ZBTB7A: variants seen among roughly 807,000 people sequenced by gnomAD.
ZBTB7A encodes zinc finger and BTB domain-containing protein 7A.
In ZBTB7A, 7 loss-of-function variants were observed where a neutral mutation model predicts 26.7. The observed-to-expected ratio is 0.26, with a 90% confidence interval of 0.15 to 0.49. The LOEUF is 0.49. Ranked by LOEUF, ZBTB7A falls within the 20% of genes least tolerant of loss-of-function variation. The probability of loss-of-function intolerance (pLI) is 0.98; values close to 1 mark genes in which losing one functional copy is unlikely to be tolerated. For missense variants in ZBTB7A, 617 were observed against 919.5 expected, an observed-to-expected ratio of 0.67 and a Z score of 4.25; for synonymous variants, 452 against 441.0, an observed-to-expected ratio of 1.02 and a Z score of -0.31.
chr19:4,043,844 ACC>A lies in ZBTB7A; in HGVS notation c.*3906_*3907del, dbSNP rs1260802263. On this transcript the variant is annotated 3_prime_UTR_variant, in exon 3 of 3. Coordinates refer to ENST00000322357, the MANE Select transcript of ZBTB7A (RefSeq NM_015898.4). ...ACCCGTCCTGCGCCAGCCACCCACC[ACC>A]CCCCCCCCCCCACCTCCAGGAAGGC... Among the ~76,000 whole-genome samples, 4,561 of 47,826 alleles carry A rather than the reference ACC, an allele frequency of 0.095. 302 individuals are homozygous for A. The highest frequency in any genetic ancestry group is 0.16 in the African/African-American group (1,892 of 11,968). 31.4% of individuals were successfully genotyped at this position (47,826 alleles called of 152,430 possible).
intron 2 of ZBTB7A, among the ~76,000 whole-genome samples, chr19:4,050,145 G>A (rs773515919): frequency 5.9e-5 from 9 of 152,106 alleles, no homozygotes; most frequent in Middle Eastern, 3.4e-3. Flanking sequence ...GGCTGGTCTC[G>A]GACTCCTGAC....
At chr19:4,055,664 A>G (rs938672800) in intron 1 of ZBTB7A, among the ~76,000 whole-genome samples, 1 of 152,200 alleles carries the variant, frequency 6.6e-6, no homozygotes, top group African/African-American at 2.4e-5. Context: ...CTACTAAAAA[A>G]TACAAAAAAT....
At chr19:4,058,108 G>A (rs1267467002) in intron 1 of ZBTB7A, among the ~76,000 whole-genome samples, 8 of 152,290 alleles carry the variant, frequency 5.3e-5, no homozygotes, top group South Asian at 4.1e-4. Context: ...GGTGTGCCCC[G>A]TCCGGACAGG....
intron 2 of ZBTB7A, among the ~76,000 whole-genome samples, chr19:4,051,772 CAG>C (rs1255799877): frequency 2.6e-5 from 4 of 152,232 alleles, no homozygotes; most frequent in African/African-American, 4.8e-5. Context: ...TAGAACCGTG[CAG>C]AGACTCCCCA....
At chr19:4,058,170 T>A (rs914377415) in intron 1 of ZBTB7A, among the ~76,000 whole-genome samples, 1 of 152,140 alleles carries the variant, frequency 6.6e-6, no homozygotes, top group Non-Finnish European at 1.5e-5. Context: ...GCCCCCAGCA[T>A]AGGGCTCAGC....
In ZBTB7A at chr19:4,054,359, C is replaced by T. The variant is rs774127752; in HGVS notation, c.874G>A (p.Asp292Asn). The T allele has an allele frequency of 1.2e-5, 17 of 1,471,894 alleles. No individual in the cohort carries two copies. Among genetic ancestry groups the T allele is most frequent in the Non-Finnish European group, 1.4e-5 (16 of 1,121,564 alleles). 91.2% of individuals were successfully genotyped at this position (1,471,894 alleles called of 1,614,324 possible). A position where few individuals can be genotyped will look rare whatever the true frequency, so the allele number is the denominator to read the frequency against. Residue 292 changes from aspartate (D) to asparagine (N), a missense_variant, in exon 2 of 3, where the codon GAC (aspartate) becomes AAC (asparagine). Coordinates refer to ENST00000322357, the MANE Select transcript of ZBTB7A (RefSeq NM_015898.4). Reference protein sequence around the residue: ...SLSEAAPEPGDSPGFLSGAAE... With the variant: ...SLSEAAPEPGNSPGFLSGAAE... ...GCTCCCGACAGGAAGCCCGGAGAGT[C>T]GCCCGGCTCGGGGGCCGCCTCCGAC...
chr19:4,054,579 G>C lies in ZBTB7A; in HGVS notation c.654C>G (p.Asp218Glu). 6.5e-7 allele frequency: 1 copy of C among 1,550,182 alleles called. No homozygotes were observed. Among genetic ancestry groups the C allele is most frequent in the South Asian group, 1.2e-5 (1 of 83,960 alleles). Residue 218 changes from aspartate (D) to glutamate (E), a missense_variant, in exon 2 of 3, where the codon GAC (aspartate) becomes GAG (glutamate). Asp to Glu is a conservative substitution (Grantham distance 45). This residue lies in a region of ZBTB7A where 331 missense variants were observed against 391.3 expected (regional missense o/e 0.85). Transcript: ENST00000322357. ...CGGCCGGGGGGCCCGGCCCATAGAA[G>C]TCTAAGCCGTTGCAGTCGCCCGCGG... ...AVAAGDCNGL[D>E]FYGPGPPAER...
At chr19:4,049,559 G>A (rs755016011) in intron 2 of ZBTB7A, among the ~76,000 whole-genome samples, 13 of 152,064 alleles carry the variant, frequency 8.5e-5, no homozygotes, top group Non-Finnish European at 1.5e-4. Context: ...GGCGGCGGCC[G>A]AGGTGTTTGG....
rs2040442419 is a variant in ZBTB7A, at chr19:4,047,840, A to G, written c.1667T>C (p.Leu556Ser). 2 of 1,606,074 alleles carry G rather than the reference A, an allele frequency of 1.2e-6. No homozygotes were observed. Among genetic ancestry groups the G allele is most frequent in the African/African-American group, 2.7e-5 (2 of 74,288 alleles). ...DVASPDGLGR[L>S]NVAGAGGGGD... ...TCCTCCACCGGCGCCCGCTACATTC[A>G]ACCGGCCCAAGCCGTCGGGGCTGGC... The change falls in exon 3 of 3, where the codon TTG becomes TCG. Residue 556 changes from leucine (L) to serine (S), a missense_variant. Leu to Ser is a moderately radical substitution (Grantham distance 145, BLOSUM62 -2). Transcript: ENST00000322357.
chr19:4,047,341 C>A lies in ZBTB7A; in HGVS notation c.*411G>T, dbSNP rs1170512650. ...AAATTAAAAGCCCACCCCAGTCCCC[C>A]CCCAGCGCCCCCACGTCTACCCTCC... On this transcript the variant is annotated 3_prime_UTR_variant, in exon 3 of 3. Coordinates refer to ENST00000322357, the MANE Select transcript of ZBTB7A (RefSeq NM_015898.4). The A allele has an allele frequency of 6.6e-6, 1 of 152,490 alleles. No individual in the cohort carries two copies. The highest frequency in any genetic ancestry group is 2.4e-5 in the African/African-American group (1 of 41,416). 9.4% of individuals were successfully genotyped at this position (152,490 alleles called of 1,614,324 possible).
Position 4,043,649 on chromosome 19 carries a change from T to C in ZBTB7A, c.*4103A>G, listed in dbSNP as rs1036246541. Among the ~76,000 whole-genome samples, 2 of 149,026 alleles carry C rather than the reference T, an allele frequency of 1.3e-5. No individual in the cohort carries two copies. The highest frequency in any genetic ancestry group is 3.0e-5 in the Non-Finnish European group (2 of 67,510). On this transcript the variant is annotated 3_prime_UTR_variant, in exon 3 of 3. Transcript: ENST00000322357. ...GGGGCGGGACCTGGGCATCGGATCC[T>C]GGTCCACAGCCTCCAGGCAGCCCCG...
At position 4,048,018 on chromosome 19, in the gene ZBTB7A, G is replaced by A; in HGVS notation, c.1489C>T (p.Arg497Cys). ...KDGCNGVPSR[R>C]GRKPRVRGGA... ...CCCCGGACGCGGGGCTTGCGGCCGC[G>A]GCGCGAGGGGACGCCGTTGCAGCCG... The change falls in exon 3 of 3, where the codon CGC (arginine) becomes TGC (cysteine). Residue 497 changes from arginine to cysteine, a missense_variant. Around this residue, in one of 5 missense-constraint regions of ZBTB7A, gnomAD observed 27 missense variants for 38.7 expected, o/e 0.70. Coordinates refer to ENST00000322357, the MANE Select transcript of ZBTB7A (RefSeq NM_015898.4). The surrounding 1 kb of genome is among the most constrained non-coding windows in gnomAD (Gnocchi z 6.7). 6.8e-7 allele frequency: 1 copy of A among 1,468,260 alleles called. No individual in the cohort carries two copies. The highest frequency in any genetic ancestry group is 9.1e-7 in the Non-Finnish European group (1 of 1,103,924). 91.0% of individuals were successfully genotyped at this position (1,468,260 alleles called of 1,614,324 possible).
intron 1 of ZBTB7A, among the ~76,000 whole-genome samples, chr19:4,057,086 C>T (rs141615491): frequency 1.2e-3 from 179 of 148,866 alleles, no homozygotes; most frequent in African/African-American, 4.3e-3. Flanking sequence ...CTGTGGCTCA[C>T]ATCTATAATC....
chr19:4,047,601 A>G lies in ZBTB7A; in HGVS notation c.*151T>C. The G allele has an allele frequency of 1.8e-6, 1 of 557,876 alleles. No homozygotes were observed. 34.6% of individuals were successfully genotyped at this position (557,876 alleles called of 1,614,324 possible). On this transcript the variant is annotated 3_prime_UTR_variant, in exon 3 of 3. Coordinates refer to ENST00000322357, the MANE Select transcript of ZBTB7A (RefSeq NM_015898.4). ...GCTACCCTAGATTCTGTGACGCGTC[A>G]TATATATATATCTGTATATATATAT...
intron 2 of ZBTB7A, among the ~76,000 whole-genome samples, chr19:4,053,081 A>G (rs1431329606): frequency 1.3e-5 from 2 of 152,132 alleles, no homozygotes; most frequent in African/African-American, 4.8e-5. Context: ...AGGGCCTGTC[A>G]CCCTCTCCCA....
At position 4,054,711 on chromosome 19, in the gene ZBTB7A, G is replaced by A. The variant is rs777697792; in HGVS notation, c.522C>T (p.Pro174=). 14 of 1,574,900 alleles carry A rather than the reference G, an allele frequency of 8.9e-6. No individual in the cohort carries two copies. The highest frequency in any genetic ancestry group is 2.7e-5 in the African/African-American group (2 of 74,010). Residue 174 remains proline (P), a synonymous_variant, in exon 2 of 3, where the codon CCC becomes CCT. Transcript: ENST00000322357. Reference sequence around the variant, plus strand: ...AGCTGGCAGCGGCGGCGGCGGCCGCGGGGGGCAGGCTGTTCATGGGGTTGC... The same window carrying A: ...AGCTGGCAGCGGCGGCGGCGGCCGCAGGGGGCAGGCTGTTCATGGGGTTGC... ...FQSNPMNSLP[P]AAAAAAASFP... is the part of the protein sequence containing the mutation.
chr19:4,046,609 T>C lies in ZBTB7A; in HGVS notation c.*1143A>G, dbSNP rs1304811415. The C allele has an allele frequency of 6.7e-6, 1 of 149,976 alleles. No homozygotes were observed. Among genetic ancestry groups the C allele is most frequent in the African/African-American group, 2.4e-5 (1 of 40,998 alleles). 9.3% of individuals were successfully genotyped at this position (149,976 alleles called of 1,614,324 possible). ...TCCTTCCTTTCATTTTGTAAAACCT[T>C]TTTTTTTTCTAGTTTGTTTTATTGC... On this transcript the variant is annotated 3_prime_UTR_variant, in exon 3 of 3. Transcript: ENST00000322357.
chr19:4,065,020 C>T (rs1300907484), intron 1 of ZBTB7A, among the ~76,000 whole-genome samples: 2 of 151,704 alleles, frequency 1.3e-5, no homozygotes, highest in African/African-American at 2.4e-5. Flanking sequence ...CTCCGCTCAG[C>T]CCCCAGCCAG....
intron 2 of ZBTB7A, among the ~76,000 whole-genome samples, chr19:4,053,622 G>A (rs2040530878): frequency 6.7e-6 from 1 of 150,246 alleles, no homozygotes; most frequent in Non-Finnish European, 1.5e-5. Flanking sequence ...ATGTGTATGT[G>A]GTGTGCATCT....
Sources: gnomAD v4.1 joint callset for allele counts (sites outside exome capture counted in the v4.1 genomes callset) on GRCh38, gnomAD v4.1.1 for gene constraint, gnomAD v4.1.1 regional missense constraint, Gnocchi (gnomAD v3.1) non-coding constraint, MANE v1.5 for transcripts, NCBI Gene and HGNC (gene_info 2026-07-23, HGNC 2026-07-21) for gene names.